PRDM10: variants seen among roughly 807,000 people sequenced by gnomAD.
The protein encoded by PRDM10 is PR domain zinc finger protein 10.
Under a neutral mutation model 133.1 loss-of-function variants are expected in PRDM10, and 65 were observed. That is an observed-to-expected ratio of 0.49 (90% CI 0.40 to 0.60). PRDM10 has a LOEUF of 0.60. PRDM10 is among the 20% of genes least tolerant of loss of function. The pLI, the probability that PRDM10 is intolerant of heterozygous loss-of-function variation, is 0.00. For missense variants in PRDM10, 1,137 were observed against 1,507.1 expected, an observed-to-expected ratio of 0.75 and a Z score of 4.07; for synonymous variants, 582 against 580.4, an observed-to-expected ratio of 1.00 and a Z score of -0.04.
chr11:129,958,403 A>T (rs1951736709), intron 2 of PRDM10, among the ~76,000 whole-genome samples: 1 of 152,158 alleles, frequency 6.6e-6, no homozygotes, highest in South Asian at 2.1e-4. Flanking sequence ...GCACTTTGGG[A>T]GGCCGAGGCA....
At chr11:129,971,828 G>T (rs945941096) in intron 1 of PRDM10, among the ~76,000 whole-genome samples, 2 of 152,240 alleles carry the variant, frequency 1.3e-5, no homozygotes, top group African/African-American at 4.8e-5. Context: ...CGTGCCGTGC[G>T]CTCGCATTCC....
chr11:129,905,427 A>C (rs1385721092), intron 20 of PRDM10, among the ~76,000 whole-genome samples: 1 of 151,654 alleles, frequency 6.6e-6, no homozygotes, highest in Non-Finnish European at 1.5e-5. Flanking sequence ...TATTAATTGA[A>C]CAGATATTTA....
chr11:129,910,593 T>G lies in PRDM10; in HGVS notation c.3046A>C (p.Ile1016Leu), dbSNP rs772041214. Reference protein sequence around the residue: ...QAQQGLSPSHIQGSSSTQGQA... With the variant: ...QAQQGLSPSHLQGSSSTQGQA... ...CCCTGTGTGGAAGAACTGCCCTGGA[T>G]GTGGGAGGGGCTGAGCCCCTGCTGA... The change falls in exon 19 of 21, where the codon ATC becomes CTC. Residue 1016 changes from isoleucine to leucine, a missense_variant. Around this residue, in one of 6 missense-constraint regions of PRDM10, gnomAD observed 243 missense variants for 259.2 expected, o/e 0.94. Transcript: ENST00000360871. The G allele has an allele frequency of 6.2e-7, 1 of 1,613,812 alleles. No homozygotes were observed. The highest frequency in any genetic ancestry group is 1.1e-5 in the South Asian group (1 of 91,066).
Position 129,947,074 on chromosome 11 carries a change from ACACACG to A in PRDM10, c.520+65_520+70del, listed in dbSNP as rs1951438712. The A allele has an allele frequency of 6.4e-7, 1 of 1,569,020 alleles. No homozygotes were observed. The highest frequency in any genetic ancestry group is 8.7e-7 in the Non-Finnish European group (1 of 1,154,876). ...CCTGACGCACGGGAGCTATGTTCAC[ACACACG>A]CACACGTACACAGACACACAAGATG... On this transcript the variant is annotated intron_variant, in intron 5 of 20. Transcript: ENST00000360871. The surrounding 1 kb of genome is among the most constrained non-coding windows in gnomAD (Gnocchi z 4.6).
intron 19 of PRDM10, among the ~76,000 whole-genome samples, chr11:129,909,977 A>G (rs1950134794): frequency 6.6e-6 from 1 of 152,222 alleles, no homozygotes; most frequent in African/African-American, 2.4e-5. Flanking sequence ...AAATGCAAAT[A>G]ACAATTGTAC....
At chr11:129,991,593 T>C (rs1938749991) in intron 1 of PRDM10, among the ~76,000 whole-genome samples, 1 of 150,746 alleles carries the variant, frequency 6.6e-6, no homozygotes, top group South Asian at 2.1e-4. Flanking sequence ...CCGAGAGGGG[T>C]GGATCACCTG....
chr11:129,963,377 AAAAAGAGAGAAGAGAAGAG>A (rs1236203317), intron 1 of PRDM10, among the ~76,000 whole-genome samples: 3 of 97,148 alleles, frequency 3.1e-5, no homozygotes, highest in African/African-American at 1.6e-4. Flanking sequence ...TGCTGAAAGA[AAAAAGAGAGAAGAGAAGAG>A]AAGAGAAGAG....
intron 1 of PRDM10, among the ~76,000 whole-genome samples, chr11:129,963,189 C>T (rs1951829728): frequency 6.6e-6 from 1 of 151,412 alleles, no homozygotes; most frequent in Non-Finnish European, 1.5e-5. Context: ...CACCAATCAT[C>T]TAAAGATCTG....
intron 16 of PRDM10, 141 bp from the exon 17 acceptor site, chr11:129,915,159 T>TGTACTTCCTGGG (rs1950317433): frequency 1.2e-6 from 1 of 835,646 alleles, no homozygotes; most frequent in Non-Finnish European, 1.8e-6. Context: ...ACTCTATGCC[T>TGTACTTCCTGGG]GTACTTCCTG....
At position 129,924,923 on chromosome 11, in the gene PRDM10, T is replaced by C; in HGVS notation, c.1837A>G (p.Thr613Ala). The change falls in exon 12 of 21, where the codon ACC (threonine) becomes GCC (alanine). Residue 613 changes from threonine (T) to alanine (A), a missense_variant. By Grantham distance (58) the Thr-to-Ala change is moderately conservative. Around this residue, in one of 6 missense-constraint regions of PRDM10, gnomAD observed 635 missense variants for 835.2 expected, o/e 0.76. Transcript: ENST00000360871. ...VAIHINDGYFTCPTCKKRFPD... is the reference protein window; with the variant it reads ...VAIHINDGYFACPTCKKRFPD... ...AACCGTTTCTTACAAGTTGGGCAGGTGAAGTAGCCATCATTGATATGAATG... is the reference window on the plus strand; with the variant it reads ...AACCGTTTCTTACAAGTTGGGCAGGCGAAGTAGCCATCATTGATATGAATG... 6.2e-7 allele frequency: 1 copy of C among 1,613,400 alleles called. No homozygotes were observed. The highest frequency in any genetic ancestry group is 2.2e-5 in the East Asian group (1 of 44,870).
intron 4 of PRDM10, among the ~76,000 whole-genome samples, chr11:129,954,269 T>TA (rs1025790180): frequency 1.0e-4 from 15 of 149,950 alleles, no homozygotes; most frequent in African/African-American, 3.7e-4. Flanking sequence ...TTTATTTATT[T>TA]TTTTTTTTTT....
chr11:129,945,523 G>C lies in PRDM10; in HGVS notation c.521-511C>G, dbSNP rs1223673493. On this transcript the variant is annotated intron_variant, in intron 5 of 20. Coordinates refer to ENST00000360871, the MANE Select transcript of PRDM10 (RefSeq NM_199437.2). This position sits in a 1 kb window ranked among gnomAD's most constrained non-coding sequence, Gnocchi z 4.2. ...GCCTAACTCAAACGGAAAAAGGGTTGTGCGGTCTGAGAGTTCAGTGCATAC... is the reference window on the plus strand; with the variant it reads ...GCCTAACTCAAACGGAAAAAGGGTTCTGCGGTCTGAGAGTTCAGTGCATAC... Among the ~76,000 whole-genome samples the C allele has an allele frequency of 6.6e-6, 1 of 152,216 alleles. No individual in the cohort carries two copies. Among genetic ancestry groups the C allele is most frequent in the African/African-American group, 2.4e-5 (1 of 41,450 alleles).
intron 1 of PRDM10, among the ~76,000 whole-genome samples, chr11:129,974,441 G>C (rs1054820855): frequency 2.6e-5 from 4 of 152,166 alleles, no homozygotes; most frequent in Non-Finnish European, 5.9e-5. Flanking sequence ...AATGGAGTGG[G>C]AGTGGGGAAG....
In PRDM10 at chr11:129,932,094, C is replaced by A. The variant is rs755775535; in HGVS notation, c.1287+8G>T. The A allele has an allele frequency of 1.2e-6, 2 of 1,613,238 alleles. No homozygotes were observed. Among genetic ancestry groups the A allele is most frequent in the South Asian group, 1.1e-5 (1 of 90,952 alleles). On this transcript the variant is annotated splice_region_variant and intron_variant, in intron 10 of 20. Coordinates refer to ENST00000360871, the MANE Select transcript of PRDM10 (RefSeq NM_199437.2). ...ACCTAAGGAGGGCTCCTTCCCGTCCCCCCGTACCTGTGTCCCATCGTCACT... is the reference window on the plus strand; with the variant it reads ...ACCTAAGGAGGGCTCCTTCCCGTCCACCCGTACCTGTGTCCCATCGTCACT...
At chr11:129,932,033 G>A in intron 10 of PRDM10, 69 bp downstream of exon 10, 1 of 1,537,192 alleles carries the variant, frequency 6.5e-7, no homozygotes. Context: ...TTGTACTTAG[G>A]TCTCGTCAGG....
At chr11:129,905,599 G>T in intron 20 of PRDM10, 39 bp downstream of exon 20, 2 of 1,476,912 alleles carry the variant, frequency 1.4e-6, no homozygotes, top group Non-Finnish European at 1.9e-6. Context: ...CAGCACCACA[G>T]GTTGGACAGG....
chr11:129,905,349 A>G (rs550843922), intron 20 of PRDM10, among the ~76,000 whole-genome samples: 1 of 145,680 alleles, frequency 6.9e-6, no homozygotes, highest in South Asian at 2.2e-4. Flanking sequence ...GCGACACAGC[A>G]AGACTCTGTC....
intron 5 of PRDM10, among the ~76,000 whole-genome samples, chr11:129,946,561 A>G (rs1213628498): frequency 2.6e-5 from 4 of 152,142 alleles, no homozygotes; most frequent in African/African-American, 9.6e-5. Context: ...AGCAAGCAGT[A>G]GGGTGGGGTG....
chr11:129,906,317 C>T (rs115037167), intron 19 of PRDM10, among the ~76,000 whole-genome samples: 28 of 152,112 alleles, frequency 1.8e-4, no homozygotes, highest in African/African-American at 6.8e-4. Context: ...TCCCAGCACA[C>T]AAGACGTGAC....
Sources: gnomAD v4.1 joint callset for allele counts (sites outside exome capture counted in the v4.1 genomes callset) on GRCh38, gnomAD v4.1.1 for gene constraint, gnomAD v4.1.1 regional missense constraint, Gnocchi (gnomAD v3.1) non-coding constraint, MANE v1.5 for transcripts, NCBI Gene and HGNC (gene_info 2026-07-23, HGNC 2026-07-21) for gene names.